The following SUGT1 variants were observed in gnomAD, a reference collection of about 807,000 sequenced individuals.
SUGT1 encodes the protein protein SGT1 homolog.
Under a neutral mutation model 56.1 loss-of-function variants are expected in SUGT1, and 15 were observed. That is an observed-to-expected ratio of 0.27 (90% CI 0.18 to 0.41). SUGT1 has a LOEUF of 0.41. SUGT1 is among the 10% of genes least tolerant of loss of function. The probability of loss-of-function intolerance (pLI) is 1.00; values close to 1 mark genes in which losing one functional copy is unlikely to be tolerated. For synonymous variants in SUGT1, 123 were observed against 128.6 expected, an observed-to-expected ratio of 0.96 and a Z score of 0.30; for missense variants, 347 against 382.2, an observed-to-expected ratio of 0.91 and a Z score of 0.77.
chr13:52,671,968 G>C (rs938999713), intron 10 of SUGT1, among the ~76,000 whole-genome samples: 3 of 152,108 alleles, frequency 2.0e-5, no homozygotes, highest in Admixed American at 2.0e-4. Context: ...CTAAAATATG[G>C]ATAACAATCT....
At position 52,699,756 on chromosome 13, in the gene SUGT1, G is replaced by A. The variant is rs1964032702; in HGVS notation, c.*11921G>A. On this transcript the variant is annotated 3_prime_UTR_variant, in exon 13 of 13. Transcript: ENST00000310528. The stretch of plus-strand genomic sequence containing the variant: ...TATCAAGGCTGATGAAATATAGGCA[G>A]CTGAAAAGAAAATTCTTAGCAATTC... 6.6e-6 allele frequency: 1 copy of A among 152,156 alleles called. No individual in the cohort carries two copies. Among genetic ancestry groups the A allele is most frequent in the Admixed American group, 6.5e-5 (1 of 15,274 alleles). The allele number at this position is 152,156 out of a possible 1,614,324, so 9.4% of individuals were successfully genotyped here.
chr13:52,669,411 A>T (rs981394397), intron 10 of SUGT1, among the ~76,000 whole-genome samples: 1 of 152,242 alleles, frequency 6.6e-6, no homozygotes, highest in Non-Finnish European at 1.5e-5. Context: ...GAATGAATTA[A>T]AATTGGATTT....
At position 52,690,377 on chromosome 13, in the gene SUGT1, G is replaced by A. The variant is rs2138187813; in HGVS notation, c.*2542G>A. Reference sequence around the variant, plus strand: ...ATTAATTGTTCCCTCTTTGTTTCTAGACTCCAATTTTCATTTCTCAAATTT... The same window carrying A: ...ATTAATTGTTCCCTCTTTGTTTCTAAACTCCAATTTTCATTTCTCAAATTT... On this transcript the variant is annotated 3_prime_UTR_variant, in exon 13 of 13. Coordinates refer to ENST00000310528, the MANE Select transcript of SUGT1 (RefSeq NM_006704.5). The A allele has an allele frequency of 7.3e-6, 1 of 137,388 alleles. No individual in the cohort carries two copies. Among genetic ancestry groups the A allele is most frequent in the East Asian group, 2.2e-4 (1 of 4,492 alleles). The allele number at this position is 137,388 out of a possible 1,614,324, so 8.5% of individuals were successfully genotyped here.
At chr13:52,665,016 T>A (rs902384588) in intron 8 of SUGT1, among the ~76,000 whole-genome samples, 4 of 152,172 alleles carry the variant, frequency 2.6e-5, no homozygotes, top group Non-Finnish European at 5.9e-5. Flanking sequence ...ATAATTAGAA[T>A]CTAGACCCAT....
At chr13:52,673,459 G>A (rs1037582902) in intron 10 of SUGT1, among the ~76,000 whole-genome samples, 1 of 152,176 alleles carries the variant, frequency 6.6e-6, no homozygotes, top group Non-Finnish European at 1.5e-5. Flanking sequence ...ATTACATGCA[G>A]CTATTTTAAT....
Position 52,688,856 on chromosome 13 carries a change from A to G in SUGT1, c.*1021A>G, listed in dbSNP as rs888591674. 1 of 152,230 alleles carries G rather than the reference A, an allele frequency of 6.6e-6. No individual in the cohort carries two copies. Among genetic ancestry groups the G allele is most frequent in the Non-Finnish European group, 1.5e-5 (1 of 68,048 alleles). 9.4% of individuals were successfully genotyped at this position (152,230 alleles called of 1,614,324 possible). The stretch of plus-strand genomic sequence containing the variant: ...GGAAAGATTGAATGCTGAACTCGGT[A>G]TAAATACACTTTAGAGACAGGAAAA... On this transcript the variant is annotated 3_prime_UTR_variant, in exon 13 of 13. Transcript: ENST00000310528.
At chr13:52,680,305 A>G (rs1480582972) in intron 12 of SUGT1, 150 bp downstream of exon 12, 2 of 671,404 alleles carry the variant, frequency 3.0e-6, no homozygotes, top group African/African-American at 3.8e-5. Context: ...TTGCTCTAAG[A>G]GTAATTTTTG....
rs1963678615 is a variant in SUGT1 at position 52,688,570 on chromosome 13, G to C, written c.*735G>C. The C allele has an allele frequency of 6.6e-6, 1 of 152,162 alleles. No homozygotes were observed. Among genetic ancestry groups the C allele is most frequent in the Admixed American group, 6.5e-5 (1 of 15,282 alleles). 9.4% of individuals were successfully genotyped at this position (152,162 alleles called of 1,614,324 possible). The stretch of plus-strand genomic sequence containing the variant: ...CTTCTTTTATCACGACAGGATTCTT[G>C]AAATTACAGCATTGGTGGGTTTTTT... On this transcript the variant is annotated 3_prime_UTR_variant, in exon 13 of 13. Transcript: ENST00000310528.
chr13:52,658,371 G>A lies in SUGT1; in HGVS notation c.188-28G>A, dbSNP rs149598140. 665 of 1,607,914 alleles carry A rather than the reference G, an allele frequency of 4.1e-4. 1 individual carries two copies. In the African/African-American group the frequency reaches 6.9e-3, roughly 17 times the overall value. Reference sequence around the variant, plus strand: ...TATTTGCTAGGATCTATAAATAACTGACTAAAAACCCGTCTTTTTCTACAC... The same window carrying A: ...TATTTGCTAGGATCTATAAATAACTAACTAAAAACCCGTCTTTTTCTACAC... On this transcript the variant is annotated intron_variant, in intron 3 of 12. Coordinates refer to ENST00000310528, the MANE Select transcript of SUGT1 (RefSeq NM_006704.5).
At chr13:52,661,103 CG>C (rs1962425865) in intron 5 of SUGT1, among the ~76,000 whole-genome samples, 1 of 152,058 alleles carries the variant, frequency 6.6e-6, no homozygotes, top group African/African-American at 2.4e-5. Context: ...TGAGCCACTG[CG>C]TCTGGCCCCT....
Position 52,680,170 on chromosome 13 carries a change from T to C in SUGT1, c.900+15T>C, listed in dbSNP as rs1216576140. 2 of 1,547,608 alleles carry C rather than the reference T, an allele frequency of 1.3e-6. No individual in the cohort carries two copies. The highest frequency in any genetic ancestry group is 1.7e-6 in the Non-Finnish European group (2 of 1,157,746). On this transcript the variant is annotated intron_variant, in intron 12 of 12. Transcript: ENST00000310528. ...ACAAATCCTTTGTAAGAATATAAAC[T>C]TAAAGAAATATATATGGGAGCAAAT...
chr13:52,655,189 C>CA (rs1424344735), intron 2 of SUGT1, among the ~76,000 whole-genome samples: 1 of 152,102 alleles, frequency 6.6e-6, no homozygotes, highest in Non-Finnish European at 1.5e-5. Flanking sequence ...ATTAAAAATA[C>CA]AAAAAATTAG....
At position 52,699,319 on chromosome 13, in the gene SUGT1, A is replaced by C. The variant is rs1964022019; in HGVS notation, c.*11484A>C. On this transcript the variant is annotated 3_prime_UTR_variant, in exon 13 of 13. Transcript: ENST00000310528. ...ACAAAATGAGAATAACTATTTGGGC[A>C]AAACACTTTTATCACTGCTAAGATA... 1 of 152,206 alleles carries C rather than the reference A, an allele frequency of 6.6e-6. No individual in the cohort carries two copies. Among genetic ancestry groups the C allele is most frequent in the Admixed American group, 6.5e-5 (1 of 15,278 alleles). The allele number at this position is 152,206 out of a possible 1,614,324, so 9.4% of individuals were successfully genotyped here.
chr13:52,662,839 A>G (rs1034170102), intron 6 of SUGT1, 137 bp downstream of exon 6: 5 of 923,436 alleles, frequency 5.4e-6, no homozygotes, highest in Non-Finnish European at 8.0e-6. Flanking sequence ...TGGACTTCCA[A>G]AGATACACTG....
At chr13:52,680,247 C>A in intron 12 of SUGT1, 92 bp downstream of exon 12, 1 of 1,246,450 alleles carries the variant, frequency 8.0e-7, no homozygotes, top group Non-Finnish European at 1.1e-6. Context: ...ATTGCGTGTA[C>A]TATAGCTGGG....
rs1228308662 is a variant in SUGT1, at chr13:52,688,715, C to T, written c.*880C>T. On this transcript the variant is annotated 3_prime_UTR_variant, in exon 13 of 13. Coordinates refer to ENST00000310528, the MANE Select transcript of SUGT1 (RefSeq NM_006704.5). ...AATGTGTATATGTTTAGTATTTACTCTGTGCCTAGAATATATAGATATCAT... is the reference window on the plus strand; with the variant it reads ...AATGTGTATATGTTTAGTATTTACTTTGTGCCTAGAATATATAGATATCAT... 1.3e-5 allele frequency: 2 copies of T among 151,942 alleles called. No homozygotes were observed. Among genetic ancestry groups the T allele is most frequent in the African/African-American group, 4.8e-5 (2 of 41,334 alleles). The allele number at this position is 151,942 out of a possible 1,614,324, so 9.4% of individuals were successfully genotyped here. A position where few individuals can be genotyped will look rare whatever the true frequency, so the allele number is the denominator to read the frequency against.
chr13:52,659,629 A>G (rs1036315721), intron 5 of SUGT1, among the ~76,000 whole-genome samples: 40 of 151,676 alleles, frequency 2.6e-4, no homozygotes, highest in Non-Finnish European at 1.0e-4. Flanking sequence ...AAAGGTTTTT[A>G]TGGAGAAGTG....
chr13:52,658,890 A>G (rs1399745649), intron 4 of SUGT1, among the ~76,000 whole-genome samples: 1 of 152,068 alleles, frequency 6.6e-6, no homozygotes, highest in African/African-American at 2.4e-5. Flanking sequence ...GTTGATAAGT[A>G]TAACTATTCT....
At chr13:52,680,634 A>G (rs1008358377) in intron 12 of SUGT1, among the ~76,000 whole-genome samples, 2 of 152,256 alleles carry the variant, frequency 1.3e-5, no homozygotes, top group Non-Finnish European at 2.9e-5. Context: ...TCAAAATTTT[A>G]GTAATAATTC....
Sources: gnomAD v4.1 joint callset for allele counts (sites outside exome capture counted in the v4.1 genomes callset) on GRCh38, gnomAD v4.1.1 for gene constraint, MANE v1.5 for transcripts, NCBI Gene and HGNC (gene_info 2026-07-23, HGNC 2026-07-21) for gene names.